The following ADCY5 variants were observed in gnomAD, a reference collection of about 807,000 sequenced individuals.
The protein encoded by ADCY5 is adenylate cyclase 5, also known as adenylate cyclase type 5.
Under a neutral mutation model 119.7 loss-of-function variants are expected in ADCY5, and 30 were observed. That is an observed-to-expected ratio of 0.25 (90% CI 0.19 to 0.34). The LOEUF (loss-of-function observed/expected upper bound fraction) is 0.34, where lower values mean the gene tolerates loss of function less well. ADCY5 is among the 10% of genes least tolerant of loss of function. ADCY5 has a pLI of 1.00. For missense variants in ADCY5, 1,324 were observed against 1,775.2 expected (o/e 0.75, Z 4.57); for synonymous variants, 753 against 762.2 (o/e 0.99, Z 0.20).
intron 1 of ADCY5, among the ~76,000 whole-genome samples, chr3:123,386,590 C>A (rs62262395): frequency 0.48 from 72,382 of 151,726 alleles, 18,069 homozygotes; most frequent in East Asian, 0.69. Context: ...CCTGGTTTTG[C>A]TGCTAAATCA....
intron 1 of ADCY5, among the ~76,000 whole-genome samples, chr3:123,369,576 G>T (rs976927091): frequency 2.6e-5 from 4 of 152,214 alleles, no homozygotes; most frequent in African/African-American, 9.6e-5. Context: ...TCCCTTATTT[G>T]CTGGCTGACC....
At chr3:123,432,043 A>G (rs2107646974) in intron 1 of ADCY5, among the ~76,000 whole-genome samples, 1 of 152,250 alleles carries the variant, frequency 6.6e-6, no homozygotes, top group South Asian at 2.1e-4. Context: ...TTTACTTCCC[A>G]CACCTTAAGC....
chr3:123,416,212 C>A (rs938712460), intron 1 of ADCY5: 6 of 1,536,118 alleles, frequency 3.9e-6, no homozygotes, highest in Non-Finnish European at 5.2e-6. Context: ...TCCTCCAGGA[C>A]CTGTCTGAAT....
chr3:123,404,615 C>T (rs1327964249), intron 1 of ADCY5: 2 of 152,250 alleles, frequency 1.3e-5, no homozygotes, highest in African/African-American at 2.4e-5. Flanking sequence ...TAGCACAGGC[C>T]TCCTGAGTGG....
intron 1 of ADCY5, among the ~76,000 whole-genome samples, chr3:123,391,943 C>T (rs1170675058): frequency 6.6e-6 from 1 of 152,200 alleles, no homozygotes; most frequent in Non-Finnish European, 1.5e-5. Flanking sequence ...CCAGGGGTAC[C>T]CACAGTCCCA....
chr3:123,290,498 G>A (rs932708853), intron 18 of ADCY5, among the ~76,000 whole-genome samples: 5 of 152,188 alleles, frequency 3.3e-5, no homozygotes, highest in South Asian at 2.1e-4. Context: ...CCCCTCTCAC[G>A]CCCATGACTC....
chr3:123,286,823 G>A lies in ADCY5; in HGVS notation c.3533-14C>T, dbSNP rs769550444. Reference sequence around the variant, plus strand: ...CGATGTTGAGCCCTGCAGGGGACAGGAATCAGCCACAGTCATCACATCTCT... The same window carrying A: ...CGATGTTGAGCCCTGCAGGGGACAGAAATCAGCCACAGTCATCACATCTCT... On this transcript the variant is annotated splice_polypyrimidine_tract_variant and intron_variant, in intron 19 of 20. Coordinates refer to ENST00000462833, the MANE Select transcript of ADCY5 (RefSeq NM_183357.3). This position sits in a 1 kb window ranked among gnomAD's most constrained non-coding sequence, Gnocchi z 4.2. 4 of 1,584,318 alleles carry A rather than the reference G, an allele frequency of 2.5e-6. No homozygotes were observed. The South Asian group carries it at 3.5e-5, about 14-fold the overall frequency.
chr3:123,398,478 C>T (rs1272070958), intron 1 of ADCY5, among the ~76,000 whole-genome samples: 10 of 146,998 alleles, frequency 6.8e-5, no homozygotes, highest in African/African-American at 2.7e-4. Context: ...ATCACTGCAC[C>T]CCAGCCCCTT....
At chr3:123,306,388 C>G (rs1940200224) in intron 12 of ADCY5, among the ~76,000 whole-genome samples, 1 of 152,016 alleles carries the variant, frequency 6.6e-6, no homozygotes, top group African/African-American at 2.4e-5. Context: ...TCAAAATGGA[C>G]CAGAAAACTT....
rs192748741 is a variant in ADCY5, at chr3:123,348,038, T to C, written c.1285-135A>G. On this transcript the variant is annotated intron_variant, in intron 2 of 20. Coordinates refer to ENST00000462833, the MANE Select transcript of ADCY5 (RefSeq NM_183357.3). ...TCTCCCGGGACTCCTGGGTTAACAG[T>C]GTGTGTGTGTGTGTGTGTGTGTGTG... 2.8e-4 allele frequency: 166 copies of C among 591,462 alleles called. No individual in the cohort carries two copies. In the African/African-American group the frequency reaches 3.0e-3, roughly 11 times the overall value. 36.6% of individuals were successfully genotyped at this position (591,462 alleles called of 1,614,324 possible).
intron 1 of ADCY5, among the ~76,000 whole-genome samples, chr3:123,416,689 G>A (rs1419244957): frequency 1.3e-5 from 2 of 152,308 alleles, no homozygotes; most frequent in Non-Finnish European, 2.9e-5. Context: ...GCTTGTGAGG[G>A]GAGGAGGGCT....
In ADCY5 at chr3:123,352,481, C is replaced by G; in HGVS notation, c.1235G>C (p.Arg412Pro). 6.2e-7 allele frequency: 1 copy of G among 1,613,934 alleles called. No individual in the cohort carries two copies. Residue 412 changes from arginine to proline, a missense_variant, in exon 2 of 21, where the codon CGA (arginine) becomes CCA (proline). Physicochemically the swap from Arg to Pro is moderately radical, Grantham distance 103. Transcript: ENST00000462833. This position sits in a 1 kb window ranked among gnomAD's most constrained non-coding sequence, Gnocchi z 4.8. ...GTGGAGCCGCGCCTGGATGCACTCTCGGGTCTCCTGGAAAGCCTGTCTCTG... is the reference window on the plus strand; with the variant it reads ...GTGGAGCCGCGCCTGGATGCACTCTGGGGTCTCCTGGAAAGCCTGTCTCTG... The part of the protein sequence containing the change: ...VSQRQAFQET[R>P]ECIQARLHSQ...
In ADCY5 at chr3:123,282,415, G is replaced by C. The variant is rs1938433798; in HGVS notation, c.*2193C>G. The C allele has an allele frequency of 6.6e-6, 1 of 152,332 alleles. No individual in the cohort carries two copies. Among genetic ancestry groups the C allele is most frequent in the Admixed American group, 6.5e-5 (1 of 15,290 alleles). 9.4% of individuals were successfully genotyped at this position (152,332 alleles called of 1,614,324 possible). Reference sequence around the variant, plus strand: ...ATAAAAAGAGTGCACACCCTTTAGAGGGAACGAAGAGCTAGCACTGCACCT... The same window carrying C: ...ATAAAAAGAGTGCACACCCTTTAGACGGAACGAAGAGCTAGCACTGCACCT... On this transcript the variant is annotated 3_prime_UTR_variant, in exon 21 of 21. Coordinates refer to ENST00000462833, the MANE Select transcript of ADCY5 (RefSeq NM_183357.3).
At chr3:123,419,494 G>A (rs760081556) in intron 1 of ADCY5, among the ~76,000 whole-genome samples, 8 of 151,928 alleles carry the variant, frequency 5.3e-5, no homozygotes, top group Admixed American at 1.3e-4. Flanking sequence ...CTGTCCAACC[G>A]ACCGTGCACT....
chr3:123,332,471 C>T lies in ADCY5; in HGVS notation c.1518+93G>A, dbSNP rs146973785. On this transcript the variant is annotated intron_variant, in intron 4 of 20. Coordinates refer to ENST00000462833, the MANE Select transcript of ADCY5 (RefSeq NM_183357.3). ...TCAGCAGGATATACCCAGGCACATG[C>T]CCATCCCTGGGGTTCAGCAGGTCCT... is the stretch of plus-strand genomic sequence containing the variant. The T allele has an allele frequency of 7.9e-4, 733 of 923,564 alleles. 6 individuals are homozygous for T. In the African/African-American group the frequency reaches 0.01, roughly 13 times the overall value. The allele number at this position is 923,564 out of a possible 1,614,324, so 57.2% of individuals were successfully genotyped here. A position where few individuals can be genotyped will look rare whatever the true frequency, so the allele number is the denominator to read the frequency against.
At chr3:123,347,652 C>G in intron 3 of ADCY5, 130 bp downstream of exon 3, 2 of 1,218,756 alleles carry the variant, frequency 1.6e-6, no homozygotes, top group Non-Finnish European at 2.4e-6. Flanking sequence ...GGCTGGCATG[C>G]TCTAGATGAC....
intron 1 of ADCY5, among the ~76,000 whole-genome samples, chr3:123,431,041 T>C (rs1025594593): frequency 6.6e-6 from 1 of 152,172 alleles, no homozygotes; most frequent in Non-Finnish European, 1.5e-5. Context: ...CAAACGCATA[T>C]GGGGAGTTGC....
intron 1 of ADCY5, among the ~76,000 whole-genome samples, chr3:123,395,612 C>T (rs767606806): frequency 4.6e-5 from 7 of 152,020 alleles, no homozygotes; most frequent in Non-Finnish European, 5.9e-5. Flanking sequence ...TGGTGGCTCA[C>T]GTGTTACATA....
At chr3:123,315,729 C>T (rs1940881944) in intron 11 of ADCY5, among the ~76,000 whole-genome samples, 1 of 152,138 alleles carries the variant, frequency 6.6e-6, no homozygotes, top group Non-Finnish European at 1.5e-5. Flanking sequence ...GTGTGCACCA[C>T]CATACCTAGC....
Sources: gnomAD v4.1 joint callset for allele counts (sites outside exome capture counted in the v4.1 genomes callset) on GRCh38, gnomAD v4.1.1 for gene constraint, Gnocchi (gnomAD v3.1) non-coding constraint, MANE v1.5 for transcripts, NCBI Gene and HGNC (gene_info 2026-07-23, HGNC 2026-07-21) for gene names.